Variants in ZNF560 observed in about 807,000 individuals in gnomAD.
The protein encoded by ZNF560 is zinc finger protein 560.
ZNF560 carries 54 observed loss-of-function variants against 81.8 expected under a neutral mutation model. The ratio of observed to expected loss-of-function variants is 0.66; its 90% confidence interval spans 0.53 to 0.83. The LOEUF (loss-of-function observed/expected upper bound fraction) is 0.83, where lower values mean the gene tolerates loss of function less well. Ranked by LOEUF, ZNF560 falls within the 40% of genes least tolerant of loss-of-function variation. The pLI, the probability that ZNF560 is intolerant of heterozygous loss-of-function variation, is 0.00. For missense variants in ZNF560, 940 were observed against 932.4 expected (o/e 1.01, Z -0.11); for synonymous variants, 321 against 317.9 (o/e 1.01, Z -0.10).
At chr19:9,474,441 ACCCAAAG>A in intron 3 of ZNF560, 116 bp from the exon 4 acceptor site, 1 of 1,170,020 alleles carries the variant, frequency 8.5e-7, no homozygotes. Context: ...CTCATTATCT[ACCCAAAG>A]CTTAATAATC....
Position 9,474,319 on chromosome 19 carries a change from C to T in ZNF560, c.37G>A (p.Val13Met), listed in dbSNP as rs145060906. The T allele has an allele frequency of 4.8e-4, 781 of 1,612,206 alleles. 2 individuals carry two copies. In the African/African-American group the frequency reaches 9.0e-3, roughly 18 times the overall value. The stretch of plus-strand genomic sequence containing the variant: ...TCCACAGCTGTATCCTCAAAGGTCA[C>T]GGAGTACTAAACCATCACATACATG... ...YCLTNCYQYS[V>M]TFEDTAVDFT... The change falls in exon 4 of 10, where the codon GTG (valine) becomes ATG (methionine). Residue 13 changes from valine to methionine, a missense_variant. Coordinates refer to ENST00000301480, the MANE Select transcript of ZNF560 (RefSeq NM_152476.3).
downstream of ZNF560, among the ~76,000 whole-genome samples, chr19:9,462,041 C>A (rs928752800): frequency 1.3e-5 from 2 of 152,178 alleles, no homozygotes; most frequent in Non-Finnish European, 2.9e-5. Context: ...AGATGCGGAT[C>A]CTGACTCCTG....
At chr19:9,470,905 T>C (rs2073111011) in intron 6 of ZNF560, among the ~76,000 whole-genome samples, 1 of 152,184 alleles carries the variant, frequency 6.6e-6, no homozygotes. Context: ...AAAATAAATA[T>C]GCAGTTGGCA....
chr19:9,454,717 T>C, the ZNF560 span, among the ~76,000 whole-genome samples: 3 of 152,024 alleles, frequency 2.0e-5, no homozygotes, highest in African/African-American at 7.3e-5. Flanking sequence ...TGGGAGGAGG[T>C]AGGCAGCGCA....
intron 2 of ZNF560, among the ~76,000 whole-genome samples, chr19:9,493,241 C>G (rs2073500321): frequency 1.2e-5 from 1 of 81,132 alleles, no homozygotes; most frequent in African/African-American, 7.6e-5. Flanking sequence ...GAGCCCAGAG[C>G]TGCTGATTCT....
intron 2 of ZNF560, among the ~76,000 whole-genome samples, chr19:9,483,597 G>A (rs1233774455): frequency 2.8e-4 from 30 of 108,158 alleles, no homozygotes; most frequent in Admixed American, 9.2e-4. Context: ...GTCAGCCCCC[G>A]CCCGGCCAGC....
At chr19:9,451,740 A>T in the ZNF560 span, among the ~76,000 whole-genome samples, 1 of 152,212 alleles carries the variant, frequency 6.6e-6, no homozygotes, top group Non-Finnish European at 1.5e-5. Flanking sequence ...CAGAATCTAT[A>T]AGAAACTTAA....
At chr19:9,447,375 A>G in the ZNF560 span, among the ~76,000 whole-genome samples, 1 of 152,096 alleles carries the variant, frequency 6.6e-6, no homozygotes, top group Non-Finnish European at 1.5e-5. Flanking sequence ...CTCTACAGCA[A>G]TGGTCCCTTT....
the ZNF560 span, among the ~76,000 whole-genome samples, chr19:9,449,557 A>C: frequency 6.6e-6 from 1 of 152,222 alleles, no homozygotes; most frequent in Non-Finnish European, 1.5e-5. Context: ...TTAGAAAGTC[A>C]GCACCATATG....
Position 9,471,415 on chromosome 19 carries a change from TTAAA to T in ZNF560, c.239-41_239-38del, listed in dbSNP as rs758479231. 2,565 of 1,251,600 alleles carry T rather than the reference TTAAA, an allele frequency of 2.0e-3. 12 individuals carry two copies. The highest frequency in any genetic ancestry group is 7.5e-3 in the Middle Eastern group (29 of 3,870). The allele number at this position is 1,251,600 out of a possible 1,614,324, so 77.5% of individuals were successfully genotyped here. A position where few individuals can be genotyped will look rare whatever the true frequency, so the allele number is the denominator to read the frequency against. On this transcript the variant is annotated intron_variant, in intron 5 of 9. Coordinates refer to ENST00000301480, the MANE Select transcript of ZNF560 (RefSeq NM_152476.3). ...ACATAAACTGAGGTTTTTTTTTTTTTTAAAAAAAAAGGTAAAATGAAAGAGTTAA... is the reference window on the plus strand; with the variant it reads ...ACATAAACTGAGGTTTTTTTTTTTTTAAAAAAGGTAAAATGAAAGAGTTAA...
chr19:9,448,387 A>G, the ZNF560 span, among the ~76,000 whole-genome samples: 2 of 119,810 alleles, frequency 1.7e-5, no homozygotes, highest in African/African-American at 6.8e-5. Flanking sequence ...ATGCACCACC[A>G]TGCCTGGCTT....
chr19:9,459,107 A>T, the ZNF560 span, among the ~76,000 whole-genome samples: 1 of 152,238 alleles, frequency 6.6e-6, no homozygotes, highest in Non-Finnish European at 1.5e-5. Context: ...GGAATATTGA[A>T]GACATTACTG....
At chr19:9,453,766 C>G in the ZNF560 span, among the ~76,000 whole-genome samples, 3 of 152,146 alleles carry the variant, frequency 2.0e-5, no homozygotes, top group African/African-American at 7.2e-5. Context: ...AACAAATAAT[C>G]CAGATTCAGC....
In ZNF560 at chr19:9,470,417, C is replaced by A; in HGVS notation, c.423G>T (p.Glu141Asp). ...CTACTGAGGACAGGTTCTTGTAGTT[C>A]TCCAGCATCACATCACTGTACAGGT... ...QRNLYSDVML[E>D]NYKNLSSVGY... The change falls in exon 7 of 10, where the codon GAG becomes GAT. Residue 141 changes from glutamate (E) to aspartate (D), a missense_variant. Glu to Asp is a conservative substitution (Grantham distance 45). Coordinates refer to ENST00000301480, the MANE Select transcript of ZNF560 (RefSeq NM_152476.3). The A allele has an allele frequency of 6.2e-7, 1 of 1,613,258 alleles. No individual in the cohort carries two copies. The highest frequency in any genetic ancestry group is 8.5e-7 in the Non-Finnish European group (1 of 1,179,576).
At chr19:9,496,189 C>A (rs534249486) in intron 2 of ZNF560, among the ~76,000 whole-genome samples, 1 of 152,108 alleles carries the variant, frequency 6.6e-6, no homozygotes, top group East Asian at 1.9e-4. Context: ...ACAAGATATT[C>A]TGGGCGTCCT....
chr19:9,483,382 C>T (rs2073326987), intron 2 of ZNF560, among the ~76,000 whole-genome samples: 1 of 151,044 alleles, frequency 6.6e-6, no homozygotes, highest in Non-Finnish European at 1.5e-5. Flanking sequence ...AGCCCCTCCG[C>T]CCAGCAGCCG....
In ZNF560 at chr19:9,466,910, T is replaced by C; in HGVS notation, c.2037A>G (p.Ala679=). The change falls in exon 10 of 10, where the codon GCA becomes GCG. Residue 679 remains alanine, a synonymous_variant. Transcript: ENST00000301480. ...CVLTQHLKTH[A]AEKTSECNAC... The stretch of plus-strand genomic sequence containing the variant: ...CGTTACATTCAGAGGTCTTCTCTGC[T>C]GCATGAGTTTTTAAGTGTTGAGTTA... The C allele has an allele frequency of 6.2e-7, 1 of 1,614,148 alleles. No individual in the cohort carries two copies. Among genetic ancestry groups the C allele is most frequent in the Non-Finnish European group, 8.5e-7 (1 of 1,180,038 alleles).
At chr19:9,468,735 T>C (rs2073074865) in intron 9 of ZNF560, among the ~76,000 whole-genome samples, 1 of 150,878 alleles carries the variant, frequency 6.6e-6, no homozygotes, top group African/African-American at 2.4e-5. Context: ...CTTTTTTTTT[T>C]TTTTTTTTTT....
chr19:9,469,957 T>C (rs2073095830), intron 7 of ZNF560: 10 of 489,762 alleles, frequency 2.0e-5, no homozygotes, highest in Non-Finnish European at 3.2e-5. Context: ...TCTTTCTAAA[T>C]GGCAAATGTT....
Sources: gnomAD v4.1 joint callset for allele counts (sites outside exome capture counted in the v4.1 genomes callset) on GRCh38, gnomAD v4.1.1 for gene constraint, MANE v1.5 for transcripts, NCBI Gene and HGNC (gene_info 2026-07-23, HGNC 2026-07-21) for gene names.